Variants in PCDH11X observed in about 807,000 individuals in gnomAD.
PCDH11X encodes protocadherin-11 X-linked.
PCDH11X carries 18 observed loss-of-function variants against 53.3 expected under a neutral mutation model. That is an observed-to-expected ratio of 0.34 (90% CI 0.23 to 0.50). PCDH11X has a LOEUF of 0.50. Among genes scored for constraint, PCDH11X ranks in the 20% least tolerant of loss-of-function variants. The pLI is 0.98. For missense variants in PCDH11X, 570 were observed against 1,032.4 expected (o/e 0.55, Z 6.14); for synonymous variants, 279 against 393.3 (o/e 0.71, Z 3.44).
rs1321626969 is a variant in PCDH11X, at chrX:92,050,367, T to G, written c.3034-151008T>G. Among the ~76,000 whole-genome samples, 3 of 106,068 alleles carry G rather than the reference T, an allele frequency of 2.8e-5. No individual in the cohort carries two copies. In the East Asian group the frequency reaches 9.1e-4, roughly 32 times the overall value. 92.1% of individuals were successfully genotyped at this position (106,068 alleles called of 115,157 possible). On this transcript the variant is annotated intron_variant, in intron 6 of 10. Transcript: ENST00000682573. ...ATCTTATTGGTATGAATATAAAGGA[T>G]AGTAGAATGATTTTCCATCATGAAA...
chrX:91,846,677 A>G (rs992161669), intron 5 of PCDH11X, among the ~76,000 whole-genome samples: 3 of 111,290 alleles, frequency 2.7e-5, no homozygotes, highest in Non-Finnish European at 5.7e-5. Context: ...TACACAGTTC[A>G]TTGACAATTG....
intron 10 of PCDH11X, among the ~76,000 whole-genome samples, chrX:92,562,573 T>C (rs1337779314): frequency 9.3e-6 from 1 of 107,384 alleles, no homozygotes; most frequent in African/African-American, 3.4e-5. Flanking sequence ...TTTTACATTA[T>C]GCTTCCCTTT....
At chrX:91,929,809 C>A (rs3952171) in intron 6 of PCDH11X, among the ~76,000 whole-genome samples, 3 of 111,055 alleles carry the variant, frequency 2.7e-5, no homozygotes, top group South Asian at 3.7e-4. Context: ...GACAGTTTGA[C>A]TCTCAGAAAT....
At chrX:92,009,727 G>T (rs1208189040) in intron 6 of PCDH11X, among the ~76,000 whole-genome samples, 1 of 82,583 alleles carries the variant, frequency 1.2e-5, no homozygotes, top group Non-Finnish European at 2.2e-5. Context: ...TTTTTGAGAC[G>T]GAGTCATCTC....
At chrX:92,061,316 G>T (rs751695395) in intron 6 of PCDH11X, among the ~76,000 whole-genome samples, 1 of 111,898 alleles carries the variant, frequency 8.9e-6, no homozygotes, top group African/African-American at 3.2e-5. Flanking sequence ...TTTTTGCTGT[G>T]TAGGAGTTCT....
intron 7 of PCDH11X, among the ~76,000 whole-genome samples, chrX:92,236,607 C>T (rs1015426365): frequency 9.0e-6 from 1 of 111,063 alleles, no homozygotes; most frequent in Admixed American, 9.6e-5. Context: ...GGCTAAAAAT[C>T]ACTCCATAAA....
chrX:91,848,471 G>C (rs756163805), intron 5 of PCDH11X, among the ~76,000 whole-genome samples: 3 of 111,486 alleles, frequency 2.7e-5, no homozygotes, highest in Non-Finnish European at 5.6e-5. Flanking sequence ...AGTGTTGTCT[G>C]TCTTTGTTCA....
intron 5 of PCDH11X, among the ~76,000 whole-genome samples, chrX:91,862,326 G>T (rs1938719550): frequency 9.8e-6 from 1 of 102,236 alleles, no homozygotes; most frequent in Non-Finnish European, 2.0e-5. Context: ...GTGAAATCTT[G>T]GTTGGTTCTA....
intron 8 of PCDH11X, among the ~76,000 whole-genome samples, chrX:92,385,855 A>T (rs2071001579): frequency 9.1e-6 from 1 of 109,691 alleles, no homozygotes; most frequent in African/African-American, 3.3e-5. Flanking sequence ...AACAGCAAAA[A>T]CCCCTGCCTT....
Position 92,576,337 on chromosome X carries a change from C to CT in PCDH11X, c.3368-41916dup, listed in dbSNP as rs748361936. 6.3e-3 allele frequency among the ~76,000 whole-genome samples: 459 copies of CT among 72,715 alleles called. 2 individuals are homozygous for CT. Among genetic ancestry groups the CT allele is most frequent in the Middle Eastern group, 0.028 (4 of 145 alleles). 63.1% of individuals were successfully genotyped at this position (72,715 alleles called of 115,157 possible). On this transcript the variant is annotated intron_variant, in intron 10 of 10. Transcript: ENST00000682573. The stretch of plus-strand genomic sequence containing the variant: ...TCTTTTAGACAACAGATCAATGAGT[C>CT]TTTTTTTTTTTCAATCCATTAAGCC...
intron 1 of PCDH11X, among the ~76,000 whole-genome samples, chrX:91,808,344 A>C (rs1479337379): frequency 9.2e-6 from 1 of 108,687 alleles, no homozygotes; most frequent in Non-Finnish European, 1.9e-5. Context: ...AAAATACAAA[A>C]ATTAGCTGGG....
chrX:92,181,409 T>C (rs757917986), intron 6 of PCDH11X, among the ~76,000 whole-genome samples: 1 of 111,498 alleles, frequency 9.0e-6, no homozygotes, highest in Non-Finnish European at 1.9e-5. Context: ...AGCTTGACAA[T>C]GTGATAGGAA....
At chrX:92,079,185 A>T (rs2063818095) in intron 6 of PCDH11X, among the ~76,000 whole-genome samples, 1 of 111,875 alleles carries the variant, frequency 8.9e-6, no homozygotes, top group African/African-American at 3.2e-5. Flanking sequence ...TGCATTGTAC[A>T]CAGTGGGTGC....
chrX:91,895,338 G>T (rs1940698093), intron 6 of PCDH11X, among the ~76,000 whole-genome samples: 1 of 111,426 alleles, frequency 9.0e-6, no homozygotes, highest in African/African-American at 3.3e-5. Flanking sequence ...AGCTATACAA[G>T]GTGGTTGAGT....
chrX:92,277,553 T>C (rs6618941), intron 8 of PCDH11X, among the ~76,000 whole-genome samples: 20,679 of 99,616 alleles, frequency 0.21, 3,523 homozygotes, highest in East Asian at 0.77. Flanking sequence ...AGTAGAGAAA[T>C]GGAGGGAAGG....
intron 8 of PCDH11X, among the ~76,000 whole-genome samples, chrX:92,316,361 A>G (rs1428143959): frequency 9.0e-6 from 1 of 110,729 alleles, no homozygotes; most frequent in Non-Finnish European, 1.9e-5. Flanking sequence ...TAAACAGACC[A>G]GTGAATGCTG....
chrX:92,039,049 C>T (rs1225756565), intron 6 of PCDH11X, among the ~76,000 whole-genome samples: 2 of 111,907 alleles, frequency 1.8e-5, no homozygotes, highest in East Asian at 5.7e-4. Flanking sequence ...ACCCCAAGCC[C>T]AATACTACTG....
chrX:92,602,113 G>A (rs187827272), intron 10 of PCDH11X, among the ~76,000 whole-genome samples: 1 of 111,164 alleles, frequency 9.0e-6, no homozygotes, highest in Non-Finnish European at 1.9e-5. Context: ...CATTTTTATC[G>A]TGAGAGCAGT....
intron 6 of PCDH11X, among the ~76,000 whole-genome samples, chrX:92,112,733 C>A (rs1273030074): frequency 9.3e-6 from 1 of 107,409 alleles, no homozygotes; most frequent in Non-Finnish European, 1.9e-5. Context: ...GTTTGTTCAG[C>A]CATTTTTCAA....
Sources: gnomAD v4.1 joint callset for allele counts (sites outside exome capture counted in the v4.1 genomes callset) on GRCh38, gnomAD v4.1.1 for gene constraint, MANE v1.5 for transcripts, NCBI Gene and HGNC (gene_info 2026-07-23, HGNC 2026-07-21) for gene names.